ZNF469: variants seen among roughly 807,000 people sequenced by gnomAD.
ZNF469 encodes zinc finger protein 469.
A neutral mutation model predicts 1.0 loss-of-function variants in ZNF469; 1 was observed. The observed-to-expected ratio is 1.00, with a 90% CI of 0.35 to 4.73. ZNF469 has a LOEUF of 4.73. Among genes scored for constraint, ZNF469 ranks in the 30% most tolerant of loss-of-function variants. ZNF469 has a pLI of 0.16. For missense variants in ZNF469, 6,100 were observed against 5,356.3 expected (o/e 1.14, Z -4.33); for synonymous variants, 2,703 against 2,363.4 (o/e 1.14, Z -4.17).
At chr16:88,138,381 C>T in the ZNF469 span, among the ~76,000 whole-genome samples, 77 of 152,334 alleles carry the variant, frequency 5.1e-4, no homozygotes, top group African/African-American at 1.7e-3. Flanking sequence ...TGCCTGGGAG[C>T]GCCCAGCGGG....
chr16:88,227,518 C>A, the ZNF469 span, among the ~76,000 whole-genome samples: 1 of 143,810 alleles, frequency 7.0e-6, no homozygotes, highest in Non-Finnish European at 1.5e-5. Context: ...CTCCCCATCT[C>A]CCCATCTCCC....
chr16:88,151,501 C>T, the ZNF469 span, among the ~76,000 whole-genome samples: 37 of 152,348 alleles, frequency 2.4e-4, no homozygotes, highest in South Asian at 7.0e-3. This position sits in a 1 kb window ranked among gnomAD's most constrained non-coding sequence, Gnocchi z 5.4. Context: ...AAGCGACTGT[C>T]CAAAAGTCCA....
At position 88,435,274 on chromosome 16, in the gene ZNF469, C is replaced by A. The variant is rs1447621485; in HGVS notation, c.7804C>A (p.Leu2602Met). The change falls in exon 3 of 3, where the codon CTG becomes ATG. Residue 2602 changes from leucine to methionine, a missense_variant. Physicochemically the swap from Leu to Met is conservative, Grantham distance 15 (BLOSUM62 2). Transcript: ENST00000565624. ...PRPDQAREDE[L>M]HPKQAEKREG... is the part of the protein sequence containing the mutation. ...ACCAGACCAGGCCAGGGAAGATGAG[C>A]TGCATCCCAAACAGGCAGAAAAAAG... The A allele has an allele frequency of 6.4e-7, 1 of 1,550,390 alleles. No individual in the cohort carries two copies. Among genetic ancestry groups the A allele is most frequent in the Non-Finnish European group, 8.7e-7 (1 of 1,146,996 alleles).
chr16:88,265,532 G>A, the ZNF469 span, among the ~76,000 whole-genome samples: 10,597 of 152,160 alleles, frequency 0.07, 1,217 homozygotes, highest in African/African-American at 0.24. Flanking sequence ...GGCAGTATCC[G>A]GCGGGGCCGG....
intron 1 of ZNF469, among the ~76,000 whole-genome samples, chr16:88,406,420 C>T (rs947663606): frequency 9.2e-5 from 14 of 152,232 alleles, no homozygotes; most frequent in African/African-American, 2.9e-4. Flanking sequence ...CCCCGCTGCC[C>T]GCTGTGGCCT....
the ZNF469 span, among the ~76,000 whole-genome samples, chr16:88,163,450 TGATG>T: frequency 6.9e-6 from 1 of 144,214 alleles, no homozygotes; most frequent in Admixed American, 6.9e-5. Context: ...GTAGATGGAG[TGATG>T]GATGGATGGA....
the ZNF469 span, among the ~76,000 whole-genome samples, chr16:88,364,103 G>GTTAT: frequency 6.6e-6 from 1 of 152,268 alleles, no homozygotes; most frequent in South Asian, 2.1e-4. Context: ...TGGATGCTTT[G>GTTAT]TTATTTTACC....
At chr16:88,108,094 T>C in the ZNF469 span, among the ~76,000 whole-genome samples, 1 of 151,310 alleles carries the variant, frequency 6.6e-6, no homozygotes, top group African/African-American at 2.4e-5. Flanking sequence ...AATAAGGACA[T>C]TTGCACGTCT....
the ZNF469 span, among the ~76,000 whole-genome samples, chr16:88,246,969 G>A: frequency 3.9e-5 from 6 of 152,010 alleles, no homozygotes; most frequent in Admixed American, 3.9e-4. Flanking sequence ...GTGAATAAGT[G>A]AGTGAATGAG....
chr16:88,431,809 C>T lies in ZNF469; in HGVS notation c.4339C>T (p.Pro1447Ser), dbSNP rs1906205106. Residue 1447 changes from proline (P) to serine (S), a missense_variant, in exon 3 of 3, where the codon CCA becomes TCA. Pro to Ser is a moderately conservative substitution (Grantham distance 74). Coordinates refer to ENST00000565624, the MANE Select transcript of ZNF469 (RefSeq NM_001367624.2). ...AETEPGRAAS[P>S]PTLESSSLFP... Reference sequence around the variant, plus strand: ...GACGGAGCCAGGCAGGGCTGCATCGCCACCGACCTTGGAGTCCTCATCCCT... The same window carrying T: ...GACGGAGCCAGGCAGGGCTGCATCGTCACCGACCTTGGAGTCCTCATCCCT... 1 of 1,549,720 alleles carries T rather than the reference C, an allele frequency of 6.5e-7. No individual in the cohort carries two copies. Among genetic ancestry groups the T allele is most frequent in the Non-Finnish European group, 8.7e-7 (1 of 1,146,944 alleles).
the ZNF469 span, among the ~76,000 whole-genome samples, chr16:88,184,237 C>A: frequency 6.6e-6 from 1 of 152,242 alleles, no homozygotes; most frequent in South Asian, 2.1e-4. Flanking sequence ...TCACCACAGG[C>A]CGAATTCCGG....
Position 88,432,453 on chromosome 16 carries a change from A to G in ZNF469, c.4983A>G (p.Pro1661=), listed in dbSNP as rs763449856. ...GGCCTGGGGGGACGTGGCCCTGCCCAGCCTCCTTCCATCCGGGACATGCAG... is the reference window on the plus strand; with the variant it reads ...GGCCTGGGGGGACGTGGCCCTGCCCGGCCTCCTTCCATCCGGGACATGCAG... The part of the protein sequence containing the change: ...QGRPGGTWPC[P]ASFHPGHAAL... Residue 1661 remains proline (P), a synonymous_variant, in exon 3 of 3, where the codon CCA becomes CCG. Coordinates refer to ENST00000565624, the MANE Select transcript of ZNF469 (RefSeq NM_001367624.2). 31 of 1,550,220 alleles carry G rather than the reference A, an allele frequency of 2.0e-5. No homozygotes were observed. In the South Asian group the frequency reaches 3.6e-4, roughly 18 times the overall value.
chr16:88,137,272 T>C, the ZNF469 span, among the ~76,000 whole-genome samples: 36 of 152,332 alleles, frequency 2.4e-4, no homozygotes, highest in African/African-American at 8.7e-4. Flanking sequence ...ACCATGTGTG[T>C]GTATGACCAT....
chr16:88,178,762 G>C, the ZNF469 span: 1 of 152,242 alleles, frequency 6.6e-6, no homozygotes, highest in Non-Finnish European at 1.5e-5. Flanking sequence ...GGGGTGAGGA[G>C]AAGAGAGACA....
chr16:88,348,514 C>T, the ZNF469 span, among the ~76,000 whole-genome samples: 8 of 152,222 alleles, frequency 5.3e-5, no homozygotes, highest in Non-Finnish European at 1.0e-4. Context: ...CTCAAGACCC[C>T]GCCACCCTCA....
intron 1 of ZNF469, among the ~76,000 whole-genome samples, chr16:88,398,373 C>G (rs370123242): frequency 1.3e-5 from 2 of 148,910 alleles, no homozygotes; most frequent in Non-Finnish European, 3.0e-5. Flanking sequence ...GAAGGAGGAC[C>G]CGTGAGCCAC....
the ZNF469 span, among the ~76,000 whole-genome samples, chr16:88,375,058 G>A: frequency 6.6e-6 from 1 of 152,392 alleles, no homozygotes; most frequent in South Asian, 2.1e-4. Flanking sequence ...GCAGGGCCCT[G>A]GAAGGACAGG....
chr16:88,120,040 G>A, the ZNF469 span, among the ~76,000 whole-genome samples: 1,601 of 152,302 alleles, frequency 0.011, 27 homozygotes, highest in African/African-American at 0.035. Flanking sequence ...CACAACCAAG[G>A]GGCCCCCAAG....
rs1434145716 is a variant in ZNF469, at chr16:88,424,596, C to T, written c.-191-211C>T. Among the ~76,000 whole-genome samples the T allele has an allele frequency of 6.6e-6, 1 of 152,176 alleles. No homozygotes were observed. The highest frequency in any genetic ancestry group is 6.5e-5 in the Admixed American group (1 of 15,282). ...CTGAGGCAGCCAGGTGACCCCTAAA[C>T]CCTTCAGGGTCCCCCGGGCCAGCTG... On this transcript the variant is annotated intron_variant, in intron 1 of 2. Coordinates refer to ENST00000565624, the MANE Select transcript of ZNF469 (RefSeq NM_001367624.2). The surrounding 1 kb of genome is among the most constrained non-coding windows in gnomAD (Gnocchi z 4.3).
Sources: allele counts gnomAD v4.1 joint callset (sites outside exome capture counted in the v4.1 genomes callset), GRCh38; gene constraint gnomAD v4.1.1; non-coding constraint Gnocchi (gnomAD v3.1); transcripts MANE v1.5; gene names NCBI Gene and HGNC (gene_info 2026-07-23, HGNC 2026-07-21).